The following PTPRG variants were observed in gnomAD, a reference collection of about 807,000 sequenced individuals.
PTPRG encodes protein tyrosine phosphatase receptor type G.
In PTPRG, 102 loss-of-function variants were observed where a neutral mutation model predicts 165.3. The ratio of observed to expected loss-of-function variants is 0.62; its 90% CI spans 0.53 to 0.73. The LOEUF is 0.73. Ranked by LOEUF, PTPRG falls within the 30% of genes least tolerant of loss-of-function variation. PTPRG has a pLI of 0.00. For missense variants in PTPRG, 1,866 were observed against 1,861.4 expected, an observed-to-expected ratio of 1.00 and a Z score of -0.05; for synonymous variants, 675 against 669.5, an observed-to-expected ratio of 1.01 and a Z score of -0.13.
At position 62,203,726 on chromosome 3, in the gene PTPRG, A is replaced by G. The variant is rs370839444; in HGVS notation, c.1931A>G (p.His644Arg). The G allele has an allele frequency of 1.1e-5, 17 of 1,592,980 alleles. No homozygotes were observed. Among genetic ancestry groups the G allele is most frequent in the Admixed American group, 1.8e-5 (1 of 56,180 alleles). Residue 644 changes from histidine to arginine, a missense_variant, in exon 12 of 30, where the codon CAT becomes CGT. Around this residue, in one of 3 missense-constraint regions of PTPRG, gnomAD observed 1,452 missense variants for 1,463.0 expected, o/e 0.99. Transcript: ENST00000474889. The surrounding 1 kb of genome is among the most constrained non-coding windows in gnomAD (Gnocchi z 6.4). Reference sequence around the variant, plus strand: ...GGAGGGCATCAGACTATACCTGGGCATGAGCAGGATCACACTGCCGTCCCC... The same window carrying G: ...GGAGGGCATCAGACTATACCTGGGCGTGAGCAGGATCACACTGCCGTCCCC... ...AEGGHQTIPGHEQDHTAVPTD... is the reference protein window; with the variant it reads ...AEGGHQTIPGREQDHTAVPTD...
chr3:62,265,430 G>A (rs1701832478), intron 17 of PTPRG, among the ~76,000 whole-genome samples: 1 of 152,012 alleles, frequency 6.6e-6, no homozygotes, highest in African/African-American at 2.4e-5. Context: ...ATTGCTCATT[G>A]CTAGTTTATA....
chr3:61,812,197 A>T (rs1439285505), intron 2 of PTPRG, among the ~76,000 whole-genome samples: 1 of 150,492 alleles, frequency 6.6e-6, no homozygotes, highest in Non-Finnish European at 1.5e-5. Context: ...TGGTATCTAC[A>T]GTTGATTGTG....
chr3:61,948,762 G>A (rs542683414), intron 2 of PTPRG, among the ~76,000 whole-genome samples: 20 of 152,260 alleles, frequency 1.3e-4, no homozygotes, highest in Non-Finnish European at 1.9e-4. Flanking sequence ...TGTGTAAAGA[G>A]CCTTTTTGTT....
intron 6 of PTPRG, among the ~76,000 whole-genome samples, chr3:62,139,110 C>G (rs1032472829): frequency 6.6e-6 from 1 of 152,158 alleles, no homozygotes; most frequent in Non-Finnish European, 1.5e-5. Context: ...AATGTACCAT[C>G]TTAGTGAGGT....
chr3:62,146,334 G>A (rs935263741), intron 6 of PTPRG, among the ~76,000 whole-genome samples: 3 of 152,150 alleles, frequency 2.0e-5, no homozygotes, highest in African/African-American at 7.2e-5. Flanking sequence ...CCTGTGGGGT[G>A]GCTATTCATG....
intron 2 of PTPRG, among the ~76,000 whole-genome samples, chr3:61,877,414 C>T (rs763864002): frequency 4.6e-5 from 7 of 152,052 alleles, no homozygotes; most frequent in Non-Finnish European, 8.8e-5. Context: ...AGGTTACCGG[C>T]AGGGGGTTAA....
intron 3 of PTPRG, among the ~76,000 whole-genome samples, chr3:61,991,858 C>T (rs75800529): frequency 0.027 from 4,153 of 152,276 alleles, 71 homozygotes; most frequent in Non-Finnish European, 0.043. Flanking sequence ...TTCGTATCAC[C>T]AATGACAGGT....
chr3:62,295,077 T>C lies in PTPRG; in HGVS notation c.*1770T>C, dbSNP rs748085458. The C allele has an allele frequency of 4.6e-5, 7 of 152,116 alleles. No homozygotes were observed. The highest frequency in any genetic ancestry group is 1.0e-4 in the Non-Finnish European group (7 of 68,002). 9.4% of individuals were successfully genotyped at this position (152,116 alleles called of 1,614,324 possible). ...GGGTTTATCTCATCTTCTCAATACA[T>C]AGATTTAACAACATGGAATACTCTG... On this transcript the variant is annotated 3_prime_UTR_variant, in exon 30 of 30. Transcript: ENST00000474889.
chr3:61,838,636 G>C (rs1915994), intron 2 of PTPRG, among the ~76,000 whole-genome samples: 61,335 of 151,992 alleles, frequency 0.4, 13,438 homozygotes, highest in East Asian at 0.67. Context: ...CCTTTTGAAC[G>C]AAATACCAGA....
rs140850257 is a variant in PTPRG, at chr3:61,899,560, G to A, written c.191-90065G>A. Among the ~76,000 whole-genome samples, 75 of 152,210 alleles carry A rather than the reference G, an allele frequency of 4.9e-4. 1 individual carries two copies. In the East Asian group the frequency reaches 7.0e-3, roughly 14 times the overall value. On this transcript the variant is annotated intron_variant, in intron 2 of 29. Transcript: ENST00000474889. ...TCATTTCAGTCTTGCTTGGAACATT[G>A]CTCTCTGTTGTTGTGCTGTCTATGG...
At chr3:61,864,653 T>A (rs2037356917) in intron 2 of PTPRG, among the ~76,000 whole-genome samples, 1 of 152,190 alleles carries the variant, frequency 6.6e-6, no homozygotes, top group Non-Finnish European at 1.5e-5. Flanking sequence ...ATTCTCTGGC[T>A]GCTGTTGCTG....
intron 1 of PTPRG, among the ~76,000 whole-genome samples, chr3:61,682,515 A>G (rs1002394152): frequency 1.3e-5 from 2 of 152,214 alleles, no homozygotes; most frequent in Non-Finnish European, 2.9e-5. Context: ...AGTGAGGAAA[A>G]AGGTAGCTGG....
chr3:62,091,235 A>C (rs533709679), intron 5 of PTPRG, among the ~76,000 whole-genome samples: 3 of 152,310 alleles, frequency 2.0e-5, no homozygotes, highest in African/African-American at 7.2e-5. Context: ...AGGGTGCTTC[A>C]GATCTGATTG....
At chr3:61,995,666 G>A (rs1455214656) in intron 3 of PTPRG, among the ~76,000 whole-genome samples, 2 of 125,632 alleles carry the variant, frequency 1.6e-5, no homozygotes, top group Non-Finnish European at 1.7e-5. Context: ...TAGGCTTTCC[G>A]CCTGCCTGCC....
At chr3:62,029,237 G>A (rs73097949) in intron 4 of PTPRG, among the ~76,000 whole-genome samples, 1 of 152,286 alleles carries the variant, frequency 6.6e-6, no homozygotes, top group Non-Finnish European at 1.5e-5. Flanking sequence ...TCTGGACACA[G>A]TTCAGTATCT....
chr3:61,593,194 C>T (rs1700615887), intron 1 of PTPRG, among the ~76,000 whole-genome samples: 1 of 152,034 alleles, frequency 6.6e-6, no homozygotes, highest in African/African-American at 2.4e-5. Flanking sequence ...GGAACTCTGG[C>T]CCATATCCAT....
At chr3:61,740,839 A>G (rs1285401129) in intron 1 of PTPRG, among the ~76,000 whole-genome samples, 1 of 152,228 alleles carries the variant, frequency 6.6e-6, no homozygotes, top group African/African-American at 2.4e-5. Flanking sequence ...ATATTTGAAT[A>G]TGATAAAATA....
chr3:62,085,881 C>A lies in PTPRG; in HGVS notation c.615+7623C>A, dbSNP rs535998128. 9.9e-5 allele frequency among the ~76,000 whole-genome samples: 15 copies of A among 152,278 alleles called. No homozygotes were observed. In the East Asian group the frequency reaches 2.7e-3, roughly 27 times the overall value. ...TATCCTCAGAATTGTGTCCTGCCCTCAAAGTAGTTGAGGGACAGTAAGTTT... is the reference window on the plus strand; with the variant it reads ...TATCCTCAGAATTGTGTCCTGCCCTAAAAGTAGTTGAGGGACAGTAAGTTT... On this transcript the variant is annotated intron_variant, in intron 5 of 29. Transcript: ENST00000474889.
intron 2 of PTPRG, among the ~76,000 whole-genome samples, chr3:61,788,144 T>C (rs2034765990): frequency 6.6e-6 from 1 of 152,164 alleles, no homozygotes; most frequent in African/African-American, 2.4e-5. Flanking sequence ...ACTCCCATGG[T>C]TGAGACTGGT....
Sources: gnomAD v4.1 joint callset for allele counts (sites outside exome capture counted in the v4.1 genomes callset) on GRCh38, gnomAD v4.1.1 for gene constraint, gnomAD v4.1.1 regional missense constraint, Gnocchi (gnomAD v3.1) non-coding constraint, MANE v1.5 for transcripts, NCBI Gene and HGNC (gene_info 2026-07-23, HGNC 2026-07-21) for gene names.